ZBTB20: variants seen among roughly 807,000 people sequenced by gnomAD.
ZBTB20 encodes zinc finger and BTB domain-containing protein 20.
A neutral mutation model predicts 56.9 loss-of-function variants in ZBTB20; 9 were observed. The ratio of observed to expected loss-of-function variants is 0.16; its 90% CI spans 0.10 to 0.28. The LOEUF (loss-of-function observed/expected upper bound fraction) is 0.28. Ranked by LOEUF, ZBTB20 falls within the 10% of genes least tolerant of loss-of-function variation. The pLI is 1.00. For synonymous variants in ZBTB20, 417 were observed against 420.7 expected, an observed-to-expected ratio of 0.99 and a Z score of 0.11; for missense variants, 655 against 1,003.0, an observed-to-expected ratio of 0.65 and a Z score of 4.69.
At chr3:114,430,946 T>C (rs1168208492) in intron 7 of ZBTB20, among the ~76,000 whole-genome samples, 1 of 152,136 alleles carries the variant, frequency 6.6e-6, no homozygotes, top group East Asian at 1.9e-4. Flanking sequence ...TGAATTTTTC[T>C]CTCATATATG....
intron 7 of ZBTB20, among the ~76,000 whole-genome samples, chr3:114,409,125 CTTT>C (rs56339103): frequency 3.1e-3 from 221 of 71,982 alleles, no homozygotes; most frequent in African/African-American, 8.5e-3. Context: ...AAAGGGAAGA[CTTT>C]TTTTTTTTTT....
chr3:114,889,345 T>TGTGCATTAATTACTAATAG (rs2076721672), intron 4 of ZBTB20, among the ~76,000 whole-genome samples: 1 of 151,838 alleles, frequency 6.6e-6, no homozygotes, highest in East Asian at 1.9e-4. Flanking sequence ...AACTTAAGAG[T>TGTGCATTAATTACTAATAG]TGTGCATTAA....
chr3:114,940,441 C>T (rs1021947849), intron 3 of ZBTB20, among the ~76,000 whole-genome samples: 1 of 144,944 alleles, frequency 6.9e-6, no homozygotes, highest in Admixed American at 6.6e-5. Context: ...TTTGCCAAAC[C>T]CTCTCAGGGT....
At chr3:114,970,738 G>A (rs7641760) in intron 3 of ZBTB20, among the ~76,000 whole-genome samples, 14,458 of 152,150 alleles carry the variant, frequency 0.095, 2,028 homozygotes, top group African/African-American at 0.31. Context: ...TAATGCAGCC[G>A]GGGGCGGTGG....
At chr3:114,715,863 T>C (rs2064442965) in intron 5 of ZBTB20, among the ~76,000 whole-genome samples, 1 of 152,208 alleles carries the variant, frequency 6.6e-6, no homozygotes. Flanking sequence ...AGCTTACACA[T>C]TGCTAACAGA....
intron 3 of ZBTB20, among the ~76,000 whole-genome samples, chr3:114,921,913 C>T (rs1040687407): frequency 1.3e-5 from 2 of 152,022 alleles, no homozygotes; most frequent in Admixed American, 6.6e-5. Context: ...AAGAAAATTA[C>T]AGAGCAATAT....
intron 4 of ZBTB20, among the ~76,000 whole-genome samples, chr3:114,821,261 G>A (rs771784103): frequency 6.6e-6 from 1 of 152,134 alleles, no homozygotes; most frequent in Non-Finnish European, 1.5e-5. Flanking sequence ...ATGCACTGAA[G>A]TCTGGTGTTG....
chr3:115,129,315 T>C (rs2084433159), intron 1 of ZBTB20, among the ~76,000 whole-genome samples: 1 of 152,246 alleles, frequency 6.6e-6, no homozygotes. Context: ...GACACATTCA[T>C]CCATTCAATT....
chr3:114,368,610 C>A (rs2082673671), intron 10 of ZBTB20, among the ~76,000 whole-genome samples: 1 of 152,200 alleles, frequency 6.6e-6, no homozygotes, highest in South Asian at 2.1e-4. Flanking sequence ...AATCTTTAAA[C>A]CTGTGTCCCA....
intron 7 of ZBTB20, among the ~76,000 whole-genome samples, chr3:114,406,149 A>C (rs1324502044): frequency 1.3e-5 from 2 of 152,174 alleles, no homozygotes; most frequent in Admixed American, 1.3e-4. Flanking sequence ...TCATTGTAGC[A>C]CAGTGACCAA....
intron 6 of ZBTB20, among the ~76,000 whole-genome samples, chr3:114,624,726 C>T (rs1194396591): frequency 2.6e-5 from 4 of 152,034 alleles, no homozygotes; most frequent in Non-Finnish European, 5.9e-5. Context: ...GGGAAGGGTA[C>T]GACTGTGGAG....
intron 8 of ZBTB20, among the ~76,000 whole-genome samples, chr3:114,382,903 C>A (rs1293200087): frequency 1.3e-5 from 2 of 152,144 alleles, no homozygotes; most frequent in African/African-American, 4.8e-5. Flanking sequence ...CCAACATGGG[C>A]TAAAGAATAA....
At chr3:114,347,488 G>C (rs1479393250) in intron 11 of ZBTB20, among the ~76,000 whole-genome samples, 2 of 151,932 alleles carry the variant, frequency 1.3e-5, no homozygotes, top group Non-Finnish European at 2.9e-5. Flanking sequence ...TTTTTGCTTT[G>C]AATTTTTATC....
intron 2 of ZBTB20, among the ~76,000 whole-genome samples, chr3:115,062,258 A>T (rs1174670228): frequency 6.6e-6 from 1 of 152,242 alleles, no homozygotes; most frequent in East Asian, 1.9e-4. Context: ...ATAACAGGGC[A>T]ACTCTTCAAA....
intron 7 of ZBTB20, among the ~76,000 whole-genome samples, chr3:114,484,767 T>G (rs758240793): frequency 1.3e-4 from 19 of 151,786 alleles, no homozygotes; most frequent in Non-Finnish European, 2.4e-4. Flanking sequence ...GTAATGCATC[T>G]AATAGGCAGG....
chr3:114,468,432 T>C (rs2092633880), intron 7 of ZBTB20, among the ~76,000 whole-genome samples: 1 of 152,190 alleles, frequency 6.6e-6, no homozygotes, highest in South Asian at 2.1e-4. Context: ...TATATGTACA[T>C]ATTTTTCTGA....
chr3:115,131,292 A>G (rs1007676953), intron 1 of ZBTB20, among the ~76,000 whole-genome samples: 1 of 152,188 alleles, frequency 6.6e-6, no homozygotes, highest in African/African-American at 2.4e-5. Context: ...GTAGATATAT[A>G]CATATGCAGA....
intron 3 of ZBTB20, among the ~76,000 whole-genome samples, chr3:114,918,009 T>C (rs564302018): frequency 6.6e-6 from 1 of 152,228 alleles, no homozygotes; most frequent in Admixed American, 6.5e-5. Context: ...AGAGGCCCTC[T>C]AAGATCCAGG....
At chr3:114,922,681 TCAG>T (rs1350064299) in intron 3 of ZBTB20, among the ~76,000 whole-genome samples, 5 of 152,170 alleles carry the variant, frequency 3.3e-5, no homozygotes, top group Non-Finnish European at 7.4e-5. Context: ...TGGTGAGAGC[TCAG>T]GCTGCTTCCA....
Sources: allele counts gnomAD v4.1 joint callset (sites outside exome capture counted in the v4.1 genomes callset), GRCh38; gene constraint gnomAD v4.1.1; transcripts MANE v1.5; gene names NCBI Gene and HGNC (gene_info 2026-07-23, HGNC 2026-07-21).